The following CSMD3 variants were observed in gnomAD, a reference collection of about 807,000 sequenced individuals.
The protein encoded by CSMD3 is CUB and Sushi multiple domains 3.
In CSMD3, 177 loss-of-function variants were observed where a neutral mutation model predicts 435.2. The ratio of observed to expected loss-of-function variants is 0.41; its 90% confidence interval spans 0.36 to 0.46. The LOEUF (loss-of-function observed/expected upper bound fraction) is 0.46, where lower values mean the gene tolerates loss of function less well. Among genes scored for constraint, CSMD3 ranks in the 20% least tolerant of loss-of-function variants. CSMD3 has a pLI of 0.34. For synonymous variants in CSMD3, 1,656 were observed against 1,520.5 expected, an observed-to-expected ratio of 1.09 and a Z score of -2.07; for missense variants, 4,265 against 4,504.6, an observed-to-expected ratio of 0.95 and a Z score of 1.52.
chr8:112,902,384 C>T (rs1433967427), intron 10 of CSMD3, among the ~76,000 whole-genome samples: 1 of 151,206 alleles, frequency 6.6e-6, no homozygotes, highest in Non-Finnish European at 1.5e-5. Flanking sequence ...ATGGAAATGG[C>T]ATTTTCAAAA....
chr8:112,825,992 C>G (rs1254966809), intron 12 of CSMD3, among the ~76,000 whole-genome samples: 1 of 152,174 alleles, frequency 6.6e-6, no homozygotes, highest in Non-Finnish European at 1.5e-5. Context: ...ACTAGGGACT[C>G]AAGCCCAGGG....
intron 3 of CSMD3, among the ~76,000 whole-genome samples, chr8:113,229,809 C>G (rs565163111): frequency 2.8e-4 from 43 of 151,756 alleles, no homozygotes; most frequent in African/African-American, 1.0e-3. Context: ...TTCCTCCTTA[C>G]TCCCAGTCTC....
chr8:112,394,039 T>C lies in CSMD3; in HGVS notation c.5810-3251A>G, dbSNP rs112669262. On this transcript the variant is annotated intron_variant, in intron 35 of 70. Coordinates refer to ENST00000297405, the MANE Select transcript of CSMD3 (RefSeq NM_198123.2). Reference sequence around the variant, plus strand: ...TTTCTGTGAGTTTTGCAATCATATGTCTAACAAGTATCTCAAAATGGATAT... The same window carrying C: ...TTTCTGTGAGTTTTGCAATCATATGCCTAACAAGTATCTCAAAATGGATAT... 4.8e-4 allele frequency among the ~76,000 whole-genome samples: 73 copies of C among 152,262 alleles called. 2 individuals carry two copies. The highest frequency in any genetic ancestry group is 1.7e-3 in the African/African-American group (69 of 41,566).
At chr8:113,130,962 T>C (rs1350294265) in intron 4 of CSMD3, among the ~76,000 whole-genome samples, 2 of 152,150 alleles carry the variant, frequency 1.3e-5, no homozygotes, top group Non-Finnish European at 2.9e-5. Flanking sequence ...TGTGGAACTT[T>C]GAATTTGAGA....
chr8:113,302,726 A>C (rs2093783262), intron 2 of CSMD3, among the ~76,000 whole-genome samples: 1 of 149,002 alleles, frequency 6.7e-6, no homozygotes, highest in East Asian at 2.0e-4. Flanking sequence ...CATGCTAAAA[A>C]CTCTCAATAA....
rs538742122 is a variant in CSMD3, at chr8:112,519,603, G to T, written c.4565-2378C>A. ...GTCACACAGAAAAAGTATACAAATA[G>T]AAGCATATGTCAATAGCTAATAATG... On this transcript the variant is annotated intron_variant, in intron 27 of 70. Coordinates refer to ENST00000297405, the MANE Select transcript of CSMD3 (RefSeq NM_198123.2). Among the ~76,000 whole-genome samples the T allele has an allele frequency of 5.9e-5, 9 of 152,256 alleles. No individual in the cohort carries two copies. The South Asian group carries it at 1.7e-3, about 28-fold the overall frequency.
Position 112,959,346 on chromosome 8 carries a change from G to A in CSMD3, c.1343-4585C>T, listed in dbSNP as rs187201809. Among the ~76,000 whole-genome samples the A allele has an allele frequency of 5.9e-3, 903 of 151,960 alleles. 5 individuals are homozygous for A. The highest frequency in any genetic ancestry group is 0.019 in the African/African-American group (802 of 41,506). ...GACAATAATGAAGGTAAAATGAATG[G>A]TATACTCTAACTTTGTATTTATTTT... On this transcript the variant is annotated intron_variant, in intron 7 of 70. Transcript: ENST00000297405.
chr8:112,927,002 A>G (rs1197668181), intron 9 of CSMD3, among the ~76,000 whole-genome samples: 1 of 152,216 alleles, frequency 6.6e-6, no homozygotes, highest in Non-Finnish European at 1.5e-5. Flanking sequence ...TCTAAAAATT[A>G]AAGTATCTGC....
chr8:112,848,994 T>C (rs1258761918), intron 11 of CSMD3, among the ~76,000 whole-genome samples: 1 of 152,126 alleles, frequency 6.6e-6, no homozygotes, highest in African/African-American at 2.4e-5. Context: ...AAAGTAAATA[T>C]TCATAGTTTT....
intron 7 of CSMD3, among the ~76,000 whole-genome samples, chr8:112,968,888 C>T (rs546384268): frequency 2.0e-5 from 3 of 152,012 alleles, no homozygotes; most frequent in South Asian, 4.1e-4. Context: ...TGTGATGATG[C>T]TTATTAAGAT....
chr8:112,383,926 C>T (rs1015245569), intron 36 of CSMD3, among the ~76,000 whole-genome samples: 4 of 152,180 alleles, frequency 2.6e-5, no homozygotes, highest in Non-Finnish European at 4.4e-5. Flanking sequence ...TATCTCAGAA[C>T]ATTCTCTTTT....
intron 45 of CSMD3, among the ~76,000 whole-genome samples, chr8:112,322,754 C>T (rs1823117187): frequency 6.6e-6 from 1 of 151,996 alleles, no homozygotes; most frequent in Non-Finnish European, 1.5e-5. Flanking sequence ...TTTTGTGGCA[C>T]ATGTAAACAC....
chr8:113,334,345 T>C (rs1243426887), intron 1 of CSMD3, among the ~76,000 whole-genome samples: 1 of 149,396 alleles, frequency 6.7e-6, no homozygotes, highest in Non-Finnish European at 1.5e-5. Context: ...TGGGATGATA[T>C]ACTTATTTTG....
At chr8:112,629,029 C>G (rs2074435199) in intron 22 of CSMD3, among the ~76,000 whole-genome samples, 1 of 151,982 alleles carries the variant, frequency 6.6e-6, no homozygotes, top group Non-Finnish European at 1.5e-5. Flanking sequence ...GAAAAAGGCA[C>G]AAGAATGAAG....
At chr8:112,372,114 A>T (rs1202490299) in intron 38 of CSMD3, among the ~76,000 whole-genome samples, 1 of 152,068 alleles carries the variant, frequency 6.6e-6, no homozygotes, top group Admixed American at 6.6e-5. Flanking sequence ...ACACACACAC[A>T]TATGCACACA....
chr8:112,836,411 C>T (rs570834055), intron 11 of CSMD3, among the ~76,000 whole-genome samples: 81 of 151,976 alleles, frequency 5.3e-4, no homozygotes, highest in African/African-American at 1.9e-3. Context: ...TACTCAGGGA[C>T]TGCTCATCCA....
chr8:112,495,445 T>C (rs561873384), intron 30 of CSMD3, among the ~76,000 whole-genome samples: 2 of 152,320 alleles, frequency 1.3e-5, no homozygotes, highest in South Asian at 4.1e-4. Context: ...AAGGGACACA[T>C]GTTTGACAAA....
chr8:112,419,601 G>A (rs1418621382), intron 32 of CSMD3, among the ~76,000 whole-genome samples: 1 of 152,052 alleles, frequency 6.6e-6, no homozygotes, highest in Non-Finnish European at 1.5e-5. Flanking sequence ...TAGGTTTGCT[G>A]ACTAAATCCA....
In CSMD3 at chr8:112,549,367, C is replaced by A. The variant is rs1333980983; in HGVS notation, c.4564+1304G>T. ...ATATGATTATTTTCTTATTTTATTC[C>A]ATTTTCTCAAAATATATATTTAAAG... On this transcript the variant is annotated intron_variant, in intron 27 of 70. Coordinates refer to ENST00000297405, the MANE Select transcript of CSMD3 (RefSeq NM_198123.2). Among the ~76,000 whole-genome samples, 4 of 151,806 alleles carry A rather than the reference C, an allele frequency of 2.6e-5. No individual in the cohort carries two copies. The East Asian group carries it at 7.8e-4, about 29-fold the overall frequency.
Sources: allele counts gnomAD v4.1 joint callset (sites outside exome capture counted in the v4.1 genomes callset), GRCh38; gene constraint gnomAD v4.1.1; transcripts MANE v1.5; gene names NCBI Gene and HGNC (gene_info 2026-07-23, HGNC 2026-07-21).